The following FKBP1B variants were observed in gnomAD, a reference collection of about 807,000 sequenced individuals.
FKBP1B encodes the protein peptidyl-prolyl cis-trans isomerase FKBP1B.
Under a neutral mutation model 13.5 loss-of-function variants are expected in FKBP1B, and 4 were observed. The ratio of observed to expected loss-of-function variants is 0.30; its 90% CI spans 0.15 to 0.68. The LOEUF (loss-of-function observed/expected upper bound fraction) is 0.68, where lower values mean the gene tolerates loss of function less well. Ranked by LOEUF, FKBP1B falls within the 30% of genes least tolerant of loss-of-function variation. The probability of loss-of-function intolerance (pLI) is 0.76; values close to 1 mark genes in which losing one functional copy is unlikely to be tolerated. For missense variants in FKBP1B, 93 were observed against 136.2 expected, an observed-to-expected ratio of 0.68 and a Z score of 1.58; for synonymous variants, 54 against 53.6, an observed-to-expected ratio of 1.01 and a Z score of -0.03.
chr2:24,035,784 A>G, the FKBP1B span, among the ~76,000 whole-genome samples: 1 of 151,740 alleles, frequency 6.6e-6, no homozygotes, highest in South Asian at 2.1e-4. Context: ...ATTAAAAAAA[A>G]ATTAGGCCGG....
At chr2:24,052,922 G>A (rs891990839) in intron 1 of FKBP1B, among the ~76,000 whole-genome samples, 3 of 151,932 alleles carry the variant, frequency 2.0e-5, no homozygotes, top group Admixed American at 6.6e-5. Context: ...GCACAGAGCC[G>A]AGATCATGCT....
At position 24,059,381 on chromosome 2, in the gene FKBP1B, G is replaced by A. The variant is rs1664284454; in HGVS notation, c.86-1433G>A. Among the ~76,000 whole-genome samples the A allele has an allele frequency of 1.1e-4, 16 of 151,878 alleles. No homozygotes were observed. In the South Asian group the frequency reaches 3.3e-3, roughly 32 times the overall value. On this transcript the variant is annotated intron_variant, in intron 2 of 3. Coordinates refer to ENST00000380986, the MANE Select transcript of FKBP1B (RefSeq NM_004116.5). ...CTGCTGGACCAGCACCTGGGGGGGG[G>A]TTCTGGTTTCAAACAGCCCTCTTAG...
At chr2:24,042,803 C>T in the FKBP1B span, among the ~76,000 whole-genome samples, 4 of 151,914 alleles carry the variant, frequency 2.6e-5, no homozygotes, top group Non-Finnish European at 5.9e-5. Flanking sequence ...GAGGCCGAGG[C>T]GGGCAGATCA....
the FKBP1B span, among the ~76,000 whole-genome samples, chr2:24,034,721 G>A: frequency 6.6e-6 from 1 of 151,836 alleles, no homozygotes; most frequent in Non-Finnish European, 1.5e-5. Context: ...AAACAGGTGG[G>A]TGCCATCACG....
the FKBP1B span, chr2:24,038,330 T>G: frequency 6.2e-7 from 1 of 1,614,220 alleles, no homozygotes; most frequent in South Asian, 1.1e-5. Context: ...CATATCCCTT[T>G]TGGTCTTTCA....
chr2:24,037,104 T>A, the FKBP1B span, among the ~76,000 whole-genome samples: 1 of 152,246 alleles, frequency 6.6e-6, no homozygotes, highest in Non-Finnish European at 1.5e-5. Context: ...CTCGGCTCAC[T>A]GAAACCTGTG....
the FKBP1B span, chr2:24,039,448 A>G: frequency 1.2e-6 from 2 of 1,614,128 alleles, no homozygotes; most frequent in Admixed American, 3.3e-5. Flanking sequence ...TGCTTGATGC[A>G]ACGCATTCAG....
At chr2:24,036,065 A>AAAATAAATAAATAAATAAATAAAT in the FKBP1B span, among the ~76,000 whole-genome samples, 3 of 140,362 alleles carry the variant, frequency 2.1e-5, no homozygotes, top group East Asian at 2.0e-4. Context: ...CTCCGTCTCA[A>AAAATAAATAAATAAATAAATAAAT]AAATAAATAA....
At position 24,063,324 on chromosome 2, in the gene FKBP1B, A is replaced by G. The variant is rs915639626; in HGVS notation, c.*132A>G. 3.5e-6 allele frequency: 3 copies of G among 853,564 alleles called. No individual in the cohort carries two copies. Among genetic ancestry groups the G allele is most frequent in the African/African-American group, 3.5e-5 (2 of 56,468 alleles). 52.9% of individuals were successfully genotyped at this position (853,564 alleles called of 1,614,324 possible). ...ACCTCACTGCCTCATGGCATCATCC[A>G]TTCTCTCTGCCCAAGTTGCTCTGTA... On this transcript the variant is annotated 3_prime_UTR_variant, in exon 4 of 4. Coordinates refer to ENST00000380986, the MANE Select transcript of FKBP1B (RefSeq NM_004116.5).
chr2:24,056,942 C>T (rs375585721), intron 2 of FKBP1B, among the ~76,000 whole-genome samples: 2 of 152,220 alleles, frequency 1.3e-5, no homozygotes, highest in Non-Finnish European at 2.9e-5. Flanking sequence ...CCACCTGCCT[C>T]GGCCTCCCAG....
At chr2:24,055,540 A>G (rs1664087810) in intron 2 of FKBP1B, among the ~76,000 whole-genome samples, 1 of 151,816 alleles carries the variant, frequency 6.6e-6, no homozygotes, top group South Asian at 2.1e-4. Flanking sequence ...GTCTCCATGG[A>G]TTGGTTTTGC....
intron 3 of FKBP1B, 61 bp from the exon 4 acceptor site, chr2:24,063,003 T>G: frequency 1.9e-6 from 3 of 1,613,704 alleles, no homozygotes; most frequent in Non-Finnish European, 2.5e-6. Context: ...ATCTAACTTT[T>G]TTCTTTTAAA....
In FKBP1B at chr2:24,054,950, A is replaced by G. The variant is rs75905000; in HGVS notation, c.85+1001A>G. Among the ~76,000 whole-genome samples the G allele has an allele frequency of 6.7e-3, 1,022 of 152,326 alleles. 9 individuals carry two copies. Among genetic ancestry groups the G allele is most frequent in the Non-Finnish European group, 0.011 (779 of 68,020 alleles). Reference sequence around the variant, plus strand: ...AGCAGCTCCTGTCTTGGGAGAGACTATGTCTTATCAAACATAGCGGGAGAC... The same window carrying G: ...AGCAGCTCCTGTCTTGGGAGAGACTGTGTCTTATCAAACATAGCGGGAGAC... On this transcript the variant is annotated intron_variant, in intron 2 of 3. Coordinates refer to ENST00000380986, the MANE Select transcript of FKBP1B (RefSeq NM_004116.5).
In FKBP1B at chr2:24,063,055, C is replaced by A. The variant is rs1307265938; in HGVS notation, c.199-9C>A. On this transcript the variant is annotated splice_polypyrimidine_tract_variant and intron_variant, in intron 3 of 3. Coordinates refer to ENST00000380986, the MANE Select transcript of FKBP1B (RefSeq NM_004116.5). ...TTCTCCTCTCCCCATCTGCCCCCAT[C>A]CCTGCTAGATGAGCTTGGGGCAGAG... 4 of 1,614,242 alleles carry A rather than the reference C, an allele frequency of 2.5e-6. No homozygotes were observed. Among genetic ancestry groups the A allele is most frequent in the South Asian group, 2.2e-5 (2 of 91,082 alleles).
the FKBP1B span, among the ~76,000 whole-genome samples, chr2:24,040,244 A>C: frequency 5.1e-4 from 78 of 152,322 alleles, no homozygotes; most frequent in Middle Eastern, 3.4e-3. Context: ...GACAAAAAAA[A>C]CCCAAATTTT....
the FKBP1B span, chr2:24,039,145 T>A: frequency 6.2e-7 from 1 of 1,614,182 alleles, no homozygotes; most frequent in Non-Finnish European, 8.5e-7. Context: ...CACACAGCCC[T>A]GGGGAAGGAT....
chr2:24,038,884 C>T, the FKBP1B span: 2 of 1,614,242 alleles, frequency 1.2e-6, no homozygotes, highest in Non-Finnish European at 1.7e-6. Flanking sequence ...GCAGACGTGG[C>T]TGTCCACATC....
At chr2:24,044,657 A>G in the FKBP1B span, among the ~76,000 whole-genome samples, 1 of 152,156 alleles carries the variant, frequency 6.6e-6, no homozygotes, top group South Asian at 2.1e-4. Context: ...AAACGCAGTG[A>G]TAATTACAAA....
At position 24,063,075 on chromosome 2, in the gene FKBP1B, G is replaced by A. The variant is rs200108713; in HGVS notation, c.210G>A (p.Gly70=). Residue 70 remains glycine (G), a synonymous_variant, in exon 4 of 4, where the codon GGG becomes GGA. Coordinates refer to ENST00000380986, the MANE Select transcript of FKBP1B (RefSeq NM_004116.5). ...CCCATCCCTGCTAGATGAGCTTGGG[G>A]CAGAGGGCGAAGCTGACCTGCACCC... The part of the protein sequence containing the change: ...FEEGAAQMSL[G]QRAKLTCTPD... 2 of 1,614,170 alleles carry A rather than the reference G, an allele frequency of 1.2e-6. No homozygotes were observed. Among genetic ancestry groups the A allele is most frequent in the Non-Finnish European group, 1.7e-6 (2 of 1,180,010 alleles).
Sources: gnomAD v4.1 joint callset for allele counts (sites outside exome capture counted in the v4.1 genomes callset) on GRCh38, gnomAD v4.1.1 for gene constraint, MANE v1.5 for transcripts, NCBI Gene and HGNC (gene_info 2026-07-23, HGNC 2026-07-21) for gene names.